MTREX: variants seen among roughly 807,000 people sequenced by gnomAD.
MTREX encodes exosome RNA helicase MTR4.
In MTREX, 76 loss-of-function variants were observed where a neutral mutation model predicts 135.4. The ratio of observed to expected loss-of-function variants is 0.56; its 90% CI spans 0.47 to 0.68. MTREX has a LOEUF of 0.68. MTREX is among the 30% of genes least tolerant of loss of function. The pLI, the probability that MTREX is intolerant of heterozygous loss-of-function variation, is 0.00. For synonymous variants in MTREX, 404 were observed against 401.6 expected, an observed-to-expected ratio of 1.01 and a Z score of -0.07; for missense variants, 920 against 1,262.1, an observed-to-expected ratio of 0.73 and a Z score of 4.11.
chr5:55,362,165 T>C (rs1750024870), intron 15 of MTREX, among the ~76,000 whole-genome samples: 1 of 147,442 alleles, frequency 6.8e-6, no homozygotes. Context: ...AACTCCAGGC[T>C]CAAGTGATCT....
At chr5:55,395,180 T>C (rs1048840496) in intron 19 of MTREX, among the ~76,000 whole-genome samples, 2 of 151,444 alleles carry the variant, frequency 1.3e-5, no homozygotes, top group Non-Finnish European at 1.5e-5. Context: ...CTGAGATGGG[T>C]GGATCACTTG....
rs868198602 is a variant in MTREX at position 55,325,698 on chromosome 5, C to T, written c.339+1500C>T. Among the ~76,000 whole-genome samples, 29 of 152,088 alleles carry T rather than the reference C, an allele frequency of 1.9e-4. No homozygotes were observed. The Middle Eastern group carries it at 0.01, about 54-fold the overall frequency. On this transcript the variant is annotated intron_variant, in intron 3 of 26. Coordinates refer to ENST00000230640, the MANE Select transcript of MTREX (RefSeq NM_015360.5). The stretch of plus-strand genomic sequence containing the variant: ...ATATCGTGTAATGCTGAGGTTTGGG[C>T]TTCAGTTGAACCCGTCACCCAAATA...
chr5:55,349,184 T>G (rs1316468205), intron 11 of MTREX, among the ~76,000 whole-genome samples: 1 of 147,026 alleles, frequency 6.8e-6, no homozygotes, highest in African/African-American at 2.6e-5. Flanking sequence ...CTTTAAAGAC[T>G]CTTTTTTTTT....
intron 11 of MTREX, among the ~76,000 whole-genome samples, chr5:55,348,187 C>T (rs866707970): frequency 1.3e-5 from 2 of 151,962 alleles, no homozygotes; most frequent in Non-Finnish European, 2.9e-5. Context: ...CCTTTTTTGT[C>T]GTGGAATCCC....
At chr5:55,312,459 C>A (rs1196046070) in intron 1 of MTREX, among the ~76,000 whole-genome samples, 3 of 151,526 alleles carry the variant, frequency 2.0e-5, no homozygotes, top group Non-Finnish European at 4.4e-5. Flanking sequence ...TGCAGTAAAC[C>A]ACCACAATCA....
chr5:55,380,935 G>A (rs1161705740), intron 18 of MTREX, among the ~76,000 whole-genome samples: 1 of 152,042 alleles, frequency 6.6e-6, no homozygotes, highest in African/African-American at 2.4e-5. Flanking sequence ...TTAAATATTT[G>A]GTAGAACTTG....
intron 4 of MTREX, 126 bp downstream of exon 4, chr5:55,327,904 C>A: frequency 1.6e-6 from 1 of 625,070 alleles, no homozygotes; most frequent in South Asian, 2.6e-5. Flanking sequence ...AACAAGCCAA[C>A]TAAAGACAAA....
intron 22 of MTREX, among the ~76,000 whole-genome samples, chr5:55,408,929 ATTTATTTAT>A (rs1361537873): frequency 1.3e-4 from 1 of 7,754 alleles, no homozygotes; most frequent in Non-Finnish European, 1.1e-3. Context: ...TTATTTATTT[ATTTATTTAT>A]TTATTTATTT....
intron 1 of MTREX, 120 bp downstream of exon 1, chr5:55,308,267 A>C: frequency 8.1e-7 from 1 of 1,235,516 alleles, no homozygotes; most frequent in South Asian, 1.7e-5. Flanking sequence ...TTGGAAGTGA[A>C]GGGGTTCCAG....
At chr5:55,395,176 T>C (rs913249035) in intron 19 of MTREX, among the ~76,000 whole-genome samples, 1 of 151,896 alleles carries the variant, frequency 6.6e-6, no homozygotes, top group African/African-American at 2.4e-5. Context: ...GAGGCTGAGA[T>C]GGGTGGATCA....
chr5:55,381,682 G>A (rs1445682000), intron 18 of MTREX, among the ~76,000 whole-genome samples: 2 of 152,182 alleles, frequency 1.3e-5, no homozygotes, highest in Non-Finnish European at 2.9e-5. Context: ...CTGTCCTGCA[G>A]AATGTTCTAT....
chr5:55,387,953 ATCT>A lies in MTREX; in HGVS notation c.2053-17_2053-15del. 1.3e-6 allele frequency: 2 copies of A among 1,559,360 alleles called. No homozygotes were observed. Among genetic ancestry groups the A allele is most frequent in the Non-Finnish European group, 1.7e-6 (2 of 1,143,524 alleles). On this transcript the variant is annotated intron_variant, in intron 18 of 26. Coordinates refer to ENST00000230640, the MANE Select transcript of MTREX (RefSeq NM_015360.5). ...GCCAGTTTCTTAAGAATGAATGAAC[ATCT>A]TCTGTTTTGTTTTTTAGCCTAACTC...
chr5:55,351,961 AC>A (rs1746691319), intron 13 of MTREX, among the ~76,000 whole-genome samples: 1 of 151,804 alleles, frequency 6.6e-6, no homozygotes, highest in East Asian at 1.9e-4. Flanking sequence ...AGCTGGGACT[AC>A]AGGAGCATAC....
rs1374764231 is a variant in MTREX, at chr5:55,356,490, G to A, written c.1534-2083G>A. On this transcript the variant is annotated intron_variant, in intron 14 of 26. Transcript: ENST00000230640. ...GATGAACTGGTGCAGATTCTTCGTG[G>A]ATGAAGAGGCTGCCGTGTTTACCAC... The A allele has an allele frequency of 4.4e-5, 9 of 203,076 alleles. No homozygotes were observed. The East Asian group carries it at 1.1e-3, about 24-fold the overall frequency. The allele number at this position is 203,076 out of a possible 1,614,324, so 12.6% of individuals were successfully genotyped here.
intron 18 of MTREX, among the ~76,000 whole-genome samples, chr5:55,383,730 T>C (rs1750434464): frequency 6.6e-6 from 1 of 152,214 alleles, no homozygotes; most frequent in Non-Finnish European, 1.5e-5. Context: ...AATTTTTTTT[T>C]CCAGTAAATT....
At chr5:55,379,572 T>TCA (rs1327545106) in intron 18 of MTREX, among the ~76,000 whole-genome samples, 47 of 104,224 alleles carry the variant, frequency 4.5e-4, no homozygotes, top group Non-Finnish European at 8.6e-4. Flanking sequence ...CAAATCTCCC[T>TCA]GACACACACA....
chr5:55,320,488 A>G (rs1749271533), intron 1 of MTREX, among the ~76,000 whole-genome samples: 1 of 152,212 alleles, frequency 6.6e-6, no homozygotes, highest in Non-Finnish European at 1.5e-5. Context: ...AAGTACTGGG[A>G]TTACAGGCAT....
intron 5 of MTREX, among the ~76,000 whole-genome samples, chr5:55,331,721 C>T (rs1302242184): frequency 1.3e-5 from 2 of 152,208 alleles, no homozygotes; most frequent in African/African-American, 4.8e-5. Flanking sequence ...TCACAGACTA[C>T]GATCTTGGTC....
intron 14 of MTREX, chr5:55,356,584 T>C: frequency 5.2e-6 from 1 of 191,592 alleles, no homozygotes. Flanking sequence ...AGGCAGTCAG[T>C]GAAATCCTTA....
Sources: gnomAD v4.1 joint callset for allele counts (sites outside exome capture counted in the v4.1 genomes callset) on GRCh38, gnomAD v4.1.1 for gene constraint, MANE v1.5 for transcripts, NCBI Gene and HGNC (gene_info 2026-07-23, HGNC 2026-07-21) for gene names.